Variants in CLEC5A observed in about 807,000 individuals in gnomAD.
CLEC5A encodes C-type lectin domain family 5 member A.
In CLEC5A, 15 loss-of-function variants were observed where a neutral mutation model predicts 24.4. That is an observed-to-expected ratio of 0.62 (90% CI 0.41 to 0.95). The LOEUF (loss-of-function observed/expected upper bound fraction) is 0.95, where lower values mean the gene tolerates loss of function less well. Among genes scored for constraint, CLEC5A ranks in the 40% least tolerant of loss-of-function variants. CLEC5A has a pLI of 0.00. For missense variants in CLEC5A, 211 were observed against 224.0 expected, an observed-to-expected ratio of 0.94 and a Z score of 0.37; for synonymous variants, 71 against 72.6, an observed-to-expected ratio of 0.98 and a Z score of 0.11.
intron 4 of CLEC5A, among the ~76,000 whole-genome samples, chr7:141,942,549 G>A (rs1442272332): frequency 1.3e-5 from 2 of 151,980 alleles, no homozygotes; most frequent in Admixed American, 6.6e-5. Context: ...ACAAGCACAG[G>A]CAACCAAAGG....
intron 6 of CLEC5A, 31 bp downstream of exon 6, chr7:141,931,689 A>G: frequency 8.2e-7 from 1 of 1,216,542 alleles, no homozygotes; most frequent in South Asian, 1.2e-5. Context: ...GCAAACCAAG[A>G]TCCCCAGGAA....
At chr7:141,945,295 G>A in intron 3 of CLEC5A, 46 bp downstream of exon 3, 1 of 1,341,846 alleles carries the variant, frequency 7.5e-7, no homozygotes, top group Non-Finnish European at 1.1e-6. Context: ...ATTCAGCATA[G>A]AAGTAGCAGG....
At position 141,931,326 on chromosome 7, in the gene CLEC5A, A is replaced by G. The variant is rs146739906; in HGVS notation, c.452+394T>C. Among the ~76,000 whole-genome samples, 26 of 152,318 alleles carry G rather than the reference A, an allele frequency of 1.7e-4. No homozygotes were observed. In the East Asian group the frequency reaches 3.7e-3, roughly 22 times the overall value. On this transcript the variant is annotated intron_variant, in intron 6 of 6. Coordinates refer to ENST00000546910, the MANE Select transcript of CLEC5A (RefSeq NM_013252.3). ...ACCCTGTCTCCTAGAGATGGCTAGC[A>G]TCCAGTCTAGACTCATATCTAGTCT...
rs1463575085 is a variant in CLEC5A at position 141,943,893 on chromosome 7, T to C, written c.208+3A>G. The C allele has an allele frequency of 6.9e-6, 11 of 1,597,034 alleles. No individual in the cohort carries two copies. The highest frequency in any genetic ancestry group is 9.4e-6 in the Non-Finnish European group (11 of 1,164,726). ...GGGAGTAGGTTGTAATCATGCACTT[T>C]ACCTGTTCCATAGCTCCTTGTGGTA... is the stretch of plus-strand genomic sequence containing the variant. On this transcript the variant is annotated splice_donor_region_variant and intron_variant, in intron 4 of 6. Transcript: ENST00000546910.
At chr7:141,930,268 A>C in intron 6 of CLEC5A, 50 bp from the exon 7 acceptor site, 1 of 1,367,252 alleles carries the variant, frequency 7.3e-7, no homozygotes, top group Non-Finnish European at 1.0e-6. Flanking sequence ...AAAACAAAGC[A>C]TGGTGATGGC....
intron 6 of CLEC5A, 141 bp from the exon 7 acceptor site, chr7:141,930,359 G>A (rs782136542): frequency 1.3e-4 from 84 of 634,930 alleles, no homozygotes; most frequent in Non-Finnish European, 1.9e-4. Flanking sequence ...GCAGACTACC[G>A]GGCCCACACA....
intron 4 of CLEC5A, among the ~76,000 whole-genome samples, chr7:141,937,458 AG>A (rs1455549762): frequency 1.3e-5 from 2 of 152,120 alleles, no homozygotes; most frequent in Non-Finnish European, 2.9e-5. Flanking sequence ...AGGGGAGGGA[AG>A]AGTGGAAAGA....
chr7:141,936,486 C>A (rs1289837683), intron 4 of CLEC5A, among the ~76,000 whole-genome samples: 1 of 152,188 alleles, frequency 6.6e-6, no homozygotes, highest in African/African-American at 2.4e-5. Flanking sequence ...AGCTGATACC[C>A]ACCCATGGAG....
intron 5 of CLEC5A, among the ~76,000 whole-genome samples, chr7:141,932,434 G>A (rs1554440515): frequency 6.6e-6 from 1 of 152,184 alleles, no homozygotes. Flanking sequence ...GTAATTAATT[G>A]GTGAGTTACA....
chr7:141,946,008 T>C, intron 2 of CLEC5A: 1 of 557,898 alleles, frequency 1.8e-6, no homozygotes, highest in Non-Finnish European at 3.2e-6. Context: ...GTAAGTTCTA[T>C]ATCTCCAAGG....
rs1189312602 is a variant in CLEC5A, at chr7:141,929,525, C to G, written c.*579G>C. ...AGGGGTCTCCAAGAAGGTTCCTATC[C>G]TGCCCAGACCTCTCTCCATTCCCAT... On this transcript the variant is annotated 3_prime_UTR_variant, in exon 7 of 7. Transcript: ENST00000546910. 6.6e-6 allele frequency: 1 copy of G among 152,294 alleles called. No homozygotes were observed. The highest frequency in any genetic ancestry group is 2.4e-5 in the African/African-American group (1 of 41,420). 9.4% of individuals were successfully genotyped at this position (152,294 alleles called of 1,614,324 possible).
rs1370619598 is a variant in CLEC5A at position 141,931,801 on chromosome 7, G to A, written c.371C>T (p.Ala124Val). Residue 124 changes from alanine (A) to valine (V), a missense_variant, in exon 6 of 7, where the codon GCT becomes GTT. Transcript: ENST00000546910. ...AATTAAGCCAATAAAATACTTCTCA[G>A]CATCAGTTATGTCCTGAAGAAACTT... is the stretch of plus-strand genomic sequence containing the variant. ...KLKFLQDITD[A>V]EKYFIGLIYH... The A allele has an allele frequency of 5.0e-6, 8 of 1,599,502 alleles. No homozygotes were observed. The African/African-American group carries it at 9.4e-5, about 19-fold the overall frequency.
intron 5 of CLEC5A, among the ~76,000 whole-genome samples, chr7:141,934,206 G>T (rs940635745): frequency 1.3e-5 from 2 of 152,196 alleles, no homozygotes; most frequent in South Asian, 2.1e-4. Flanking sequence ...TATAATGTCA[G>T]TTCTGAGGAG....
chr7:141,929,844 T>C lies in CLEC5A; in HGVS notation c.*260A>G, dbSNP rs1187943760. On this transcript the variant is annotated 3_prime_UTR_variant, in exon 7 of 7. Transcript: ENST00000546910. ...CAAACCCTGTCAACAGACTAGGCCT[T>C]TTTGATCAGTCAGAAATGCTCAGTA... is the stretch of plus-strand genomic sequence containing the variant. The C allele has an allele frequency of 7.9e-6, 3 of 381,922 alleles. No homozygotes were observed. The Admixed American group carries it at 1.3e-4, about 17-fold the overall frequency. 23.7% of individuals were successfully genotyped at this position (381,922 alleles called of 1,614,324 possible). A position where few individuals can be genotyped will look rare whatever the true frequency, so the allele number is the denominator to read the frequency against.
At chr7:141,940,461 C>CA (rs541841002) in intron 4 of CLEC5A, among the ~76,000 whole-genome samples, 244 of 148,766 alleles carry the variant, frequency 1.6e-3, no homozygotes, top group Non-Finnish European at 2.3e-3. Flanking sequence ...GTGCCTGCAT[C>CA]AAAAAAAACC....
At position 141,946,830 on chromosome 7, in the gene CLEC5A, C is replaced by G. The variant is rs1802970203; in HGVS notation, c.-44G>C. On this transcript the variant is annotated 5_prime_UTR_variant, in exon 1 of 7. Coordinates refer to ENST00000546910, the MANE Select transcript of CLEC5A (RefSeq NM_013252.3). ...ACCTCTTTCTCCCTGGAAGGCTAGGCTTGCTTGCAGATGGGGGTCTTCCTG... is the reference window on the plus strand; with the variant it reads ...ACCTCTTTCTCCCTGGAAGGCTAGGGTTGCTTGCAGATGGGGGTCTTCCTG... 6.5e-6 allele frequency: 1 copy of G among 152,708 alleles called. No individual in the cohort carries two copies. Among genetic ancestry groups the G allele is most frequent in the African/African-American group, 2.4e-5 (1 of 41,462 alleles). 9.5% of individuals were successfully genotyped at this position (152,708 alleles called of 1,614,324 possible).
chr7:141,929,279 CA>C lies in CLEC5A; in HGVS notation c.*824del, dbSNP rs1554439962. On this transcript the variant is annotated 3_prime_UTR_variant, in exon 7 of 7. Coordinates refer to ENST00000546910, the MANE Select transcript of CLEC5A (RefSeq NM_013252.3). ...GATTATTGTTGCCTAAGAGACTATC[CA>C]AAATTTTAAAAATACTCAACAAATA... The C allele has an allele frequency of 6.6e-6, 1 of 152,060 alleles. No individual in the cohort carries two copies. The allele number at this position is 152,060 out of a possible 1,614,324, so 9.4% of individuals were successfully genotyped here.
Position 141,927,842 on chromosome 7 carries a change from A to T in CLEC5A, c.*2262T>A, listed in dbSNP as rs1309185759. ...TCTTGGATGAAGATCTCAACTTCAA[A>T]TCCTCCACAAAATGCTTCTCCTAAT... On this transcript the variant is annotated 3_prime_UTR_variant, in exon 7 of 7. Transcript: ENST00000546910. The T allele has an allele frequency of 6.6e-6, 1 of 152,248 alleles. No individual in the cohort carries two copies. Among genetic ancestry groups the T allele is most frequent in the East Asian group, 1.9e-4 (1 of 5,206 alleles). The allele number at this position is 152,248 out of a possible 1,614,324, so 9.4% of individuals were successfully genotyped here.
intron 6 of CLEC5A, 83 bp downstream of exon 6, chr7:141,931,637 A>G: frequency 1.3e-6 from 1 of 798,164 alleles, no homozygotes; most frequent in East Asian, 2.4e-5. Flanking sequence ...CGTTTGAGCT[A>G]TTCCAGGGTG....
Sources: gnomAD v4.1 joint callset for allele counts (sites outside exome capture counted in the v4.1 genomes callset) on GRCh38, gnomAD v4.1.1 for gene constraint, MANE v1.5 for transcripts, NCBI Gene and HGNC (gene_info 2026-07-23, HGNC 2026-07-21) for gene names.